Variants in SDK1 observed in about 807,000 individuals in gnomAD.
SDK1 encodes the protein sidekick cell adhesion molecule 1.
Under a neutral mutation model 245.5 loss-of-function variants are expected in SDK1, and 157 were observed. That is an observed-to-expected ratio of 0.64 (90% CI 0.56 to 0.73). The LOEUF is 0.73. Among genes scored for constraint, SDK1 ranks in the 30% least tolerant of loss-of-function variants. SDK1 has a pLI of 0.00. For synonymous variants in SDK1, 1,647 were observed against 1,278.5 expected, an observed-to-expected ratio of 1.29 and a Z score of -6.15; for missense variants, 3,583 against 3,002.3, an observed-to-expected ratio of 1.19 and a Z score of -4.52.
intron 14 of SDK1, among the ~76,000 whole-genome samples, chr7:4,003,066 C>T (rs375125956): frequency 3.3e-4 from 51 of 152,372 alleles, no homozygotes; most frequent in African/African-American, 1.1e-3. Context: ...TGGGACAGCT[C>T]ATTCTCCAGG....
chr7:3,403,868 T>TATAA (rs1432926129), intron 1 of SDK1, among the ~76,000 whole-genome samples: 52 of 108,876 alleles, frequency 4.8e-4, no homozygotes, highest in Non-Finnish European at 7.8e-4. Flanking sequence ...TATATATATA[T>TATAA]AATATATATA....
intron 1 of SDK1, among the ~76,000 whole-genome samples, chr7:3,529,829 G>A (rs1265784228): frequency 6.6e-6 from 1 of 152,166 alleles, no homozygotes; most frequent in Non-Finnish European, 1.5e-5. Context: ...CTCCCAAGGA[G>A]AAATACTGAG....
intron 13 of SDK1, among the ~76,000 whole-genome samples, chr7:3,979,868 A>G (rs763183356): frequency 9.9e-5 from 15 of 152,166 alleles, no homozygotes; most frequent in Admixed American, 3.3e-4. Context: ...TAAAGACCCA[A>G]TTAGCATTTC....
intron 1 of SDK1, among the ~76,000 whole-genome samples, chr7:3,444,752 G>A (rs1471960671): frequency 6.6e-6 from 1 of 152,132 alleles, no homozygotes; most frequent in African/African-American, 2.4e-5. Context: ...GACCAACTTG[G>A]CTAATGTCCA....
intron 25 of SDK1, among the ~76,000 whole-genome samples, chr7:4,121,542 C>T (rs112649504): frequency 2.6e-5 from 4 of 152,322 alleles, no homozygotes; most frequent in African/African-American, 9.6e-5. Flanking sequence ...CCTGAGGCCT[C>T]TCCAGCCATG....
chr7:3,388,538 T>C (rs915018089), intron 1 of SDK1, among the ~76,000 whole-genome samples: 3 of 152,152 alleles, frequency 2.0e-5, no homozygotes, highest in African/African-American at 7.2e-5. Flanking sequence ...AGAATTGTTA[T>C]TAAATCTCAT....
chr7:3,839,649 A>C (rs1398285429), intron 5 of SDK1, among the ~76,000 whole-genome samples: 1 of 152,208 alleles, frequency 6.6e-6, no homozygotes, highest in Non-Finnish European at 1.5e-5. Context: ...CCATCCATGA[A>C]TATATGAACT....
chr7:3,531,388 A>C (rs1783338982), intron 1 of SDK1, among the ~76,000 whole-genome samples: 1 of 152,236 alleles, frequency 6.6e-6, no homozygotes, highest in African/African-American at 2.4e-5. Flanking sequence ...TCTTCATTTG[A>C]AAAATAAGCA....
intron 1 of SDK1, among the ~76,000 whole-genome samples, chr7:3,555,380 T>C (rs1349923818): frequency 6.6e-6 from 1 of 152,166 alleles, no homozygotes; most frequent in East Asian, 1.9e-4. Flanking sequence ...GATATCCATA[T>C]ACAGAAGAAT....
intron 1 of SDK1, among the ~76,000 whole-genome samples, chr7:3,446,906 T>G (rs1325506670): frequency 6.6e-6 from 1 of 152,220 alleles, no homozygotes; most frequent in African/African-American, 2.4e-5. Flanking sequence ...GTTCATCTTT[T>G]TAGACATCAT....
At chr7:3,450,821 A>T (rs1056304230) in intron 1 of SDK1, among the ~76,000 whole-genome samples, 3 of 152,156 alleles carry the variant, frequency 2.0e-5, no homozygotes, top group African/African-American at 7.2e-5. Context: ...GAGAAGAGGG[A>T]TGAAGATGGA....
At chr7:3,828,361 T>G (rs1298782907) in intron 5 of SDK1, among the ~76,000 whole-genome samples, 1 of 152,020 alleles carries the variant, frequency 6.6e-6, no homozygotes, top group Non-Finnish European at 1.5e-5. Context: ...AATTGAGAGA[T>G]ATTCTATAAC....
intron 1 of SDK1, among the ~76,000 whole-genome samples, chr7:3,453,038 G>C (rs1780564061): frequency 6.6e-6 from 1 of 152,078 alleles, no homozygotes; most frequent in Non-Finnish European, 1.5e-5. Flanking sequence ...TGCCTCCTCA[G>C]CTCTGTCCTG....
intron 1 of SDK1, among the ~76,000 whole-genome samples, chr7:3,393,056 C>T (rs373987018): frequency 3.1e-4 from 44 of 142,472 alleles, no homozygotes; most frequent in East Asian, 1.9e-3. Flanking sequence ...CTGCAATCTC[C>T]GCCTCCTAGG....
At chr7:3,606,329 C>T (rs539286602) in intron 1 of SDK1, among the ~76,000 whole-genome samples, 1 of 152,166 alleles carries the variant, frequency 6.6e-6, no homozygotes, top group African/African-American at 2.4e-5. Context: ...TCTGGATTAA[C>T]AAGATGGCCT....
At chr7:4,084,325 C>T (rs1411639325) in intron 22 of SDK1, among the ~76,000 whole-genome samples, 2 of 152,142 alleles carry the variant, frequency 1.3e-5, no homozygotes, top group Admixed American at 1.3e-4. Context: ...CTTACCTGTT[C>T]AGTGGGTTTC....
At chr7:4,193,575 G>T (rs1287817036) in intron 35 of SDK1, among the ~76,000 whole-genome samples, 1 of 151,636 alleles carries the variant, frequency 6.6e-6, no homozygotes, top group Non-Finnish European at 1.5e-5. Flanking sequence ...ATTCCAAGTT[G>T]CAGAGTCCCA....
chr7:3,340,971 G>C (rs1048169844), intron 1 of SDK1, among the ~76,000 whole-genome samples: 2 of 151,994 alleles, frequency 1.3e-5, no homozygotes, highest in Non-Finnish European at 2.9e-5. Context: ...GTCTCTTCTA[G>C]AAAACAGGAG....
chr7:3,961,852 C>T (rs960507253), intron 8 of SDK1, among the ~76,000 whole-genome samples: 1 of 152,076 alleles, frequency 6.6e-6, no homozygotes, highest in African/African-American at 2.4e-5. Flanking sequence ...CATATATGCA[C>T]CACCTCACAC....
Sources: gnomAD v4.1 joint callset for allele counts (sites outside exome capture counted in the v4.1 genomes callset) on GRCh38, gnomAD v4.1.1 for gene constraint, MANE v1.5 for transcripts, NCBI Gene and HGNC (gene_info 2026-07-23, HGNC 2026-07-21) for gene names.